TENM2: variants seen among roughly 807,000 people sequenced by gnomAD.
The protein encoded by TENM2 is teneurin transmembrane protein 2, also known as teneurin-2.
TENM2 carries 52 observed loss-of-function variants against 245.2 expected under a neutral mutation model. The ratio of observed to expected loss-of-function variants is 0.21; its 90% CI spans 0.17 to 0.27. TENM2 has a LOEUF of 0.27. Ranked by LOEUF, TENM2 falls within the 10% of genes least tolerant of loss-of-function variation. The pLI is 1.00. For missense variants in TENM2, 3,046 were observed against 3,666.8 expected (o/e 0.83, Z 4.37); for synonymous variants, 1,363 against 1,438.9 (o/e 0.95, Z 1.19).
chr5:167,634,075 A>T (rs1779040665), intron 2 of TENM2, among the ~76,000 whole-genome samples: 1 of 152,196 alleles, frequency 6.6e-6, no homozygotes, highest in African/African-American at 2.4e-5. Context: ...TTTGCGGCTA[A>T]GATGTACTGA....
intron 10 of TENM2, among the ~76,000 whole-genome samples, chr5:168,122,192 T>TG (rs1795514549): frequency 3.9e-5 from 6 of 152,212 alleles, no homozygotes; most frequent in Non-Finnish European, 7.3e-5. Context: ...TGTTTTGTTT[T>TG]TTGAGACGGA....
intron 2 of TENM2, among the ~76,000 whole-genome samples, chr5:167,527,390 T>G (rs1378986337): frequency 1.3e-5 from 2 of 152,144 alleles, no homozygotes; most frequent in Non-Finnish European, 2.9e-5. Context: ...CAGAATTTCA[T>G]GCTATGATTT....
At chr5:167,146,598 T>C in the TENM2 span, among the ~76,000 whole-genome samples, 3 of 152,148 alleles carry the variant, frequency 2.0e-5, no homozygotes, top group African/African-American at 7.2e-5. Context: ...CCAACTCAAA[T>C]CTATACTTAC....
intron 2 of TENM2, among the ~76,000 whole-genome samples, chr5:167,389,950 A>C (rs1761657934): frequency 6.6e-6 from 1 of 152,276 alleles, no homozygotes; most frequent in South Asian, 2.1e-4. Flanking sequence ...CCATATGGAA[A>C]GATAGTGGGA....
intron 2 of TENM2, among the ~76,000 whole-genome samples, chr5:167,463,352 A>C (rs1766442785): frequency 6.6e-6 from 1 of 152,204 alleles, no homozygotes; most frequent in South Asian, 2.1e-4. Flanking sequence ...TCTTCGTCAG[A>C]TGGTTTGTGA....
At chr5:168,011,640 C>A (rs1390862508) in intron 5 of TENM2, among the ~76,000 whole-genome samples, 1 of 152,090 alleles carries the variant, frequency 6.6e-6, no homozygotes, top group Non-Finnish European at 1.5e-5. Context: ...CTTGGTGATT[C>A]TTTTTATGTC....
intron 9 of TENM2, among the ~76,000 whole-genome samples, chr5:168,115,677 G>T (rs1161069897): frequency 6.6e-6 from 1 of 152,124 alleles, no homozygotes; most frequent in Non-Finnish European, 1.5e-5. Flanking sequence ...CATACTTCTC[G>T]CTGTTTTTTA....
chr5:167,574,813 A>T (rs183964209), intron 2 of TENM2, among the ~76,000 whole-genome samples: 1 of 152,306 alleles, frequency 6.6e-6, no homozygotes, highest in East Asian at 1.9e-4. Context: ...TGTGGAATAC[A>T]TATGGATTTT....
intron 2 of TENM2, among the ~76,000 whole-genome samples, chr5:167,401,280 C>T (rs1762354917): frequency 6.6e-6 from 1 of 152,042 alleles, no homozygotes; most frequent in Non-Finnish European, 1.5e-5. Context: ...AACTTCACTC[C>T]TTTGCCTAAG....
At chr5:167,505,286 CAT>C (rs1465448504) in intron 2 of TENM2, among the ~76,000 whole-genome samples, 1 of 152,172 alleles carries the variant, frequency 6.6e-6, no homozygotes, top group Non-Finnish European at 1.5e-5. Flanking sequence ...AAATCTTTAA[CAT>C]GTGCAAATTA....
chr5:167,004,331 T>A, the TENM2 span, among the ~76,000 whole-genome samples: 7 of 152,226 alleles, frequency 4.6e-5, no homozygotes, highest in African/African-American at 1.7e-4. Flanking sequence ...CTGTTTTTGA[T>A]CTGTTACAAA....
intron 2 of TENM2, among the ~76,000 whole-genome samples, chr5:167,815,975 T>G (rs1421513180): frequency 1.8e-5 from 1 of 54,638 alleles, no homozygotes. Flanking sequence ...TGATCCTTTG[T>G]GTGTGTGTGT....
chr5:167,327,578 C>T (rs181416032), intron 1 of TENM2, among the ~76,000 whole-genome samples: 23 of 152,168 alleles, frequency 1.5e-4, no homozygotes, highest in African/African-American at 5.3e-4. Flanking sequence ...GATTAACATG[C>T]CTTAGAGACA....
chr5:167,629,988 C>G (rs1448844640), intron 2 of TENM2, among the ~76,000 whole-genome samples: 2 of 152,066 alleles, frequency 1.3e-5, no homozygotes, highest in East Asian at 3.9e-4. Flanking sequence ...CTCCCTTACC[C>G]TCAGGAAATA....
At chr5:167,362,178 T>G (rs1428913836) in intron 1 of TENM2, among the ~76,000 whole-genome samples, 1 of 152,206 alleles carries the variant, frequency 6.6e-6, no homozygotes, top group Non-Finnish European at 1.5e-5. Context: ...AAAGGAAAAC[T>G]CTTGACTCAG....
chr5:167,033,586 A>G, the TENM2 span, among the ~76,000 whole-genome samples: 13 of 152,330 alleles, frequency 8.5e-5, no homozygotes, highest in Non-Finnish European at 1.8e-4. Flanking sequence ...TTTTAAAAAT[A>G]TGAGAGCCAG....
chr5:167,094,551 T>G, the TENM2 span, among the ~76,000 whole-genome samples: 1 of 152,356 alleles, frequency 6.6e-6, no homozygotes, highest in East Asian at 1.9e-4. Context: ...AGGTCACTAC[T>G]TGATGTCTAA....
intron 7 of TENM2, chr5:168,088,225 C>T (rs767875435): frequency 6.6e-5 from 10 of 152,246 alleles, no homozygotes; most frequent in Admixed American, 1.3e-4. Flanking sequence ...CTTCTCACCT[C>T]GGCACCAAGG....
chr5:168,226,334 G>A (rs1001492130), intron 24 of TENM2, 71 bp downstream of exon 26: 4 of 1,455,806 alleles, frequency 2.7e-6, no homozygotes, highest in African/African-American at 2.8e-5. Context: ...AGCCCAACAT[G>A]TGAGTTATGC....
Sources: gnomAD v4.1 joint callset for allele counts (sites outside exome capture counted in the v4.1 genomes callset) on GRCh38, gnomAD v4.1.1 for gene constraint, MANE v1.5 for transcripts, NCBI Gene and HGNC (gene_info 2026-07-23, HGNC 2026-07-21) for gene names.